SMURF1: variants seen among roughly 807,000 people sequenced by gnomAD.
The protein encoded by SMURF1 is SMAD specific E3 ubiquitin protein ligase 1.
Under a neutral mutation model 98.0 loss-of-function variants are expected in SMURF1, and 44 were observed. The observed-to-expected ratio is 0.45, with a 90% CI of 0.35 to 0.58. SMURF1 has a LOEUF of 0.58. Among genes scored for constraint, SMURF1 ranks in the 20% least tolerant of loss-of-function variants. The probability of loss-of-function intolerance (pLI) is 0.00; values close to 1 mark genes in which losing one functional copy is unlikely to be tolerated. For synonymous variants in SMURF1, 396 were observed against 374.9 expected, an observed-to-expected ratio of 1.06 and a Z score of -0.65; for missense variants, 687 against 938.4, an observed-to-expected ratio of 0.73 and a Z score of 3.50.
intron 1 of SMURF1, among the ~76,000 whole-genome samples, chr7:99,062,986 AG>A (rs1263684262): frequency 6.6e-6 from 1 of 151,830 alleles, no homozygotes; most frequent in Non-Finnish European, 1.5e-5. Context: ...ACACAACGCA[AG>A]TGACTGTGTC....
chr7:99,050,883 C>G lies in SMURF1; in HGVS notation c.806+474G>C, dbSNP rs1045667308. 7 of 1,358,940 alleles carry G rather than the reference C, an allele frequency of 5.2e-6. No individual in the cohort carries two copies. The African/African-American group carries it at 9.6e-5, about 19-fold the overall frequency. The allele number at this position is 1,358,940 out of a possible 1,614,324, so 84.2% of individuals were successfully genotyped here. A position where few individuals can be genotyped will look rare whatever the true frequency, so the allele number is the denominator to read the frequency against. On this transcript the variant is annotated intron_variant, in intron 8 of 17. Transcript: ENST00000361368. ...GCAAAAGAAAAAAAGAAACTTAACT[C>G]TGTTATGGGGTGGGGGGGGGGTCTC...
chr7:99,108,628 A>AG (rs951019714), intron 1 of SMURF1, among the ~76,000 whole-genome samples: 7 of 148,732 alleles, frequency 4.7e-5, no homozygotes, highest in African/African-American at 7.4e-5. Context: ...AAAAAAAAAA[A>AG]AAAAAAAGAA....
intron 1 of SMURF1, among the ~76,000 whole-genome samples, chr7:99,133,637 G>A (rs1372187653): frequency 6.6e-6 from 1 of 152,150 alleles, no homozygotes; most frequent in African/African-American, 2.4e-5. Flanking sequence ...CTATTCCACA[G>A]TCCAGTGACT....
In SMURF1 at chr7:99,134,097, CTTT is replaced by C. The variant is rs5886094; in HGVS notation, c.55+9626_55+9628del. Among the ~76,000 whole-genome samples the C allele has an allele frequency of 8.4e-3, 859 of 102,178 alleles. 8 individuals carry two copies. Among genetic ancestry groups the C allele is most frequent in the African/African-American group, 0.028 (773 of 27,678 alleles). 67.0% of individuals were successfully genotyped at this position (102,178 alleles called of 152,430 possible). Reference sequence around the variant, plus strand: ...ATCAGGAAAAGTGCTTCTCCACCCACTTTTTTTTTTTTTTTTTTTTGAGACAGG... The same window carrying C: ...ATCAGGAAAAGTGCTTCTCCACCCACTTTTTTTTTTTTTTTTTGAGACAGG... On this transcript the variant is annotated intron_variant, in intron 1 of 17. Coordinates refer to ENST00000361368, the MANE Select transcript of SMURF1 (RefSeq NM_181349.3).
intron 1 of SMURF1, among the ~76,000 whole-genome samples, chr7:99,074,287 A>G (rs1460286686): frequency 6.6e-6 from 1 of 152,224 alleles, no homozygotes; most frequent in Non-Finnish European, 1.5e-5. Flanking sequence ...ACATGTGTTC[A>G]GTTTGTGAGA....
In SMURF1 at chr7:99,048,298, G is replaced by A. The variant is rs192580490; in HGVS notation, c.954-416C>T. On this transcript the variant is annotated intron_variant, in intron 9 of 17. Coordinates refer to ENST00000361368, the MANE Select transcript of SMURF1 (RefSeq NM_181349.3). ...CAGCTACTCAGGAGGCTGAGACAGG[G>A]AAATCGCTTGAACCCGGGAGGCAGA... 1,058 of 176,498 alleles carry A rather than the reference G, an allele frequency of 6.0e-3. 12 individuals are homozygous for A. Among genetic ancestry groups the A allele is most frequent in the African/African-American group, 0.022 (921 of 42,028 alleles). 10.9% of individuals were successfully genotyped at this position (176,498 alleles called of 1,614,324 possible).
intron 12 of SMURF1, among the ~76,000 whole-genome samples, chr7:99,041,742 A>G (rs1369849381): frequency 6.6e-6 from 1 of 152,244 alleles, no homozygotes; most frequent in Non-Finnish European, 1.5e-5. Flanking sequence ...TGGCTTAAAA[A>G]GCTAGTTCTG....
intron 1 of SMURF1, among the ~76,000 whole-genome samples, chr7:99,102,414 T>C (rs1023725351): frequency 6.6e-6 from 1 of 152,190 alleles, no homozygotes; most frequent in African/African-American, 2.4e-5. Context: ...ACCACTGATA[T>C]TTACACTTTA....
In SMURF1 at chr7:99,082,731, T is replaced by A. The variant is rs189677224; in HGVS notation, c.56-20894A>T. 3.7e-4 allele frequency among the ~76,000 whole-genome samples: 56 copies of A among 152,318 alleles called. 1 individual carries two copies. Among genetic ancestry groups the A allele is most frequent in the Admixed American group, 3.5e-3 (54 of 15,282 alleles). ...CATTTCCAGATAAATTTTAATCAGC[T>A]TGTCAAATTCTGCAAAACAAAAAAC... On this transcript the variant is annotated intron_variant, in intron 1 of 17. Coordinates refer to ENST00000361368, the MANE Select transcript of SMURF1 (RefSeq NM_181349.3).
chr7:99,090,140 G>A (rs533053117), intron 1 of SMURF1, among the ~76,000 whole-genome samples: 7 of 152,298 alleles, frequency 4.6e-5, no homozygotes, highest in Non-Finnish European at 7.3e-5. Flanking sequence ...CTTCCCACGC[G>A]CACTACTGTT....
chr7:99,040,369 A>C lies in SMURF1; in HGVS notation c.1550+9T>G. ...TAAGCCAGGTGACCGGCCGTCAGTC[A>C]ATACTTACAGGATCCACACCAAGCT... On this transcript the variant is annotated intron_variant, in intron 13 of 17. Coordinates refer to ENST00000361368, the MANE Select transcript of SMURF1 (RefSeq NM_181349.3). The C allele has an allele frequency of 6.7e-7, 1 of 1,488,776 alleles. No homozygotes were observed. 92.2% of individuals were successfully genotyped at this position (1,488,776 alleles called of 1,614,324 possible).
At chr7:99,047,639 A>G (rs1563003903) in intron 10 of SMURF1, 45 bp downstream of exon 10, 4 of 1,595,066 alleles carry the variant, frequency 2.5e-6, no homozygotes, top group Non-Finnish European at 3.4e-6. Context: ...GAATTGCCTT[A>G]TTTGTTTCTG....
At chr7:99,034,511 G>A (rs1323590861) in intron 16 of SMURF1, among the ~76,000 whole-genome samples, 1 of 151,832 alleles carries the variant, frequency 6.6e-6, no homozygotes, top group Non-Finnish European at 1.5e-5. Context: ...TTTTTTCCTC[G>A]GGGGGATAAT....
At chr7:99,038,663 G>A (rs1276687488) in intron 13 of SMURF1, 138 bp from the exon 14 acceptor site, 8 of 932,454 alleles carry the variant, frequency 8.6e-6, no homozygotes, top group Non-Finnish European at 1.3e-5. Context: ...AACCTGCGTG[G>A]GGGTGGCACA....
chr7:99,079,361 A>G (rs1183405752), intron 1 of SMURF1, among the ~76,000 whole-genome samples: 1 of 152,250 alleles, frequency 6.6e-6, no homozygotes, highest in South Asian at 2.1e-4. Flanking sequence ...GGTACACAGC[A>G]TAAGAGTCCC....
At position 99,057,259 on chromosome 7, in the gene SMURF1, C is replaced by T. The variant is rs900261057; in HGVS notation, c.349G>A (p.Asp117Asn). The change falls in exon 5 of 18, where the codon GAT becomes AAT. Residue 117 changes from aspartate to asparagine, a missense_variant. By Grantham distance (23) the Asp-to-Asn change is conservative. Coordinates refer to ENST00000361368, the MANE Select transcript of SMURF1 (RefSeq NM_181349.3). ...TCTGAGGGGTTTAGTTTGCATAGAT[C>T]CAAACGCTGGTCTGTAAACAAACAA... ...RLKDTGYQRL[D>N]LCKLNPSDTD... The T allele has an allele frequency of 1.4e-5, 23 of 1,614,060 alleles. No individual in the cohort carries two copies. The highest frequency in any genetic ancestry group is 1.9e-5 in the Non-Finnish European group (22 of 1,179,994).
intron 1 of SMURF1, among the ~76,000 whole-genome samples, chr7:99,102,791 G>A (rs1016294388): frequency 2.6e-5 from 4 of 152,092 alleles, no homozygotes; most frequent in Admixed American, 6.5e-5. Context: ...GGTGGTGCAC[G>A]TAATTGTAAA....
intron 1 of SMURF1, among the ~76,000 whole-genome samples, chr7:99,090,435 C>CT (rs1796783050): frequency 6.6e-6 from 1 of 152,160 alleles, no homozygotes; most frequent in Admixed American, 6.5e-5. Flanking sequence ...CCTCTTATCT[C>CT]TCCCTCCCAC....
chr7:99,052,239 G>T lies in SMURF1; in HGVS notation c.687C>A (p.His229Gln), dbSNP rs145773011. 2 of 1,589,448 alleles carry T rather than the reference G, an allele frequency of 1.3e-6. No homozygotes were observed. Among genetic ancestry groups the T allele is most frequent in the Non-Finnish European group, 1.7e-6 (2 of 1,165,046 alleles). The part of the protein sequence containing the change: ...GSLQTPQNRP[H>Q]GHQSPELPEG... ...CGGGCAGTTCCGGGGACTGGTGGCC[G>T]TGTGGTCGGTTCTGGGGCGTCTGTA... Residue 229 changes from histidine (H) to glutamine (Q), a missense_variant, in exon 7 of 18, where the codon CAC becomes CAA. Physicochemically the swap from His to Gln is conservative, Grantham distance 24 (BLOSUM62 0). Coordinates refer to ENST00000361368, the MANE Select transcript of SMURF1 (RefSeq NM_181349.3).
Sources: gnomAD v4.1 joint callset for allele counts (sites outside exome capture counted in the v4.1 genomes callset) on GRCh38, gnomAD v4.1.1 for gene constraint, MANE v1.5 for transcripts, NCBI Gene and HGNC (gene_info 2026-07-23, HGNC 2026-07-21) for gene names.